The following PREX2 variants were observed in gnomAD, a reference collection of about 807,000 sequenced individuals.
PREX2 encodes the protein phosphatidylinositol-3,4,5-trisphosphate dependent Rac exchange factor 2.
Under a neutral mutation model 203.2 loss-of-function variants are expected in PREX2, and 107 were observed. The ratio of observed to expected loss-of-function variants is 0.53; its 90% CI spans 0.45 to 0.62. The LOEUF is 0.62. Ranked by LOEUF, PREX2 falls within the 20% of genes least tolerant of loss-of-function variation. PREX2 has a pLI of 0.00. For missense variants in PREX2, 1,777 were observed against 1,955.9 expected, an observed-to-expected ratio of 0.91 and a Z score of 1.72; for synonymous variants, 672 against 663.6, an observed-to-expected ratio of 1.01 and a Z score of -0.19.
At chr8:68,153,871 C>A (rs986667671) in intron 34 of PREX2, among the ~76,000 whole-genome samples, 4 of 152,144 alleles carry the variant, frequency 2.6e-5, no homozygotes, top group Admixed American at 2.6e-4. Context: ...TGAATTTTAA[C>A]TGCCTTGTTA....
intron 23 of PREX2, chr8:68,102,988 C>T (rs138347013): frequency 1.2e-4 from 61 of 512,474 alleles, no homozygotes; most frequent in South Asian, 1.6e-4. Context: ...GTCCTGGAAA[C>T]GCTTCTTTGT....
intron 37 of PREX2, among the ~76,000 whole-genome samples, chr8:68,197,839 A>G (rs1469893669): frequency 6.7e-6 from 1 of 150,224 alleles, no homozygotes; most frequent in African/African-American, 2.4e-5. Flanking sequence ...AAATGAGCAC[A>G]TAGACTTTCT....
chr8:68,066,111 A>G (rs1361242930), intron 11 of PREX2, among the ~76,000 whole-genome samples: 1 of 152,142 alleles, frequency 6.6e-6, no homozygotes, highest in Non-Finnish European at 1.5e-5. Flanking sequence ...TTCTGTACCT[A>G]TCCATTCATC....
intron 1 of PREX2, among the ~76,000 whole-genome samples, chr8:67,982,777 C>A (rs956427150): frequency 1.3e-5 from 2 of 152,174 alleles, no homozygotes; most frequent in African/African-American, 4.8e-5. Context: ...TTCTGACCCT[C>A]AAGATGGAAT....
intron 27 of PREX2, chr8:68,118,915 G>A (rs970709739): frequency 1.3e-5 from 8 of 593,436 alleles, no homozygotes; most frequent in Non-Finnish European, 2.6e-5. Flanking sequence ...TTCTATGAAG[G>A]ATTATAGGTA....
At chr8:68,152,035 A>G (rs1297617061) in intron 34 of PREX2, among the ~76,000 whole-genome samples, 2 of 151,818 alleles carry the variant, frequency 1.3e-5, no homozygotes, top group Non-Finnish European at 2.9e-5. Flanking sequence ...CACGCCTGTA[A>G]TCCCAGCACT....
intron 18 of PREX2, among the ~76,000 whole-genome samples, chr8:68,085,627 C>T (rs28450924): frequency 0.22 from 32,901 of 152,026 alleles, 3,844 homozygotes; most frequent in African/African-American, 0.31. Flanking sequence ...ATAGAACATC[C>T]GTCTTGTATA....
At chr8:68,019,207 C>A (rs1359492538) in intron 2 of PREX2, among the ~76,000 whole-genome samples, 1 of 152,230 alleles carries the variant, frequency 6.6e-6, no homozygotes, top group African/African-American at 2.4e-5. Flanking sequence ...AGAGGACTGT[C>A]CGTTCTGGTA....
At chr8:68,017,368 G>GCTAT (rs200096507) in intron 1 of PREX2, among the ~76,000 whole-genome samples, 1,802 of 152,112 alleles carry the variant, frequency 0.012, 25 homozygotes, top group African/African-American at 0.036. Flanking sequence ...GGCAGGGATA[G>GCTAT]CTATCTATCT....
intron 38 of PREX2, among the ~76,000 whole-genome samples, chr8:68,221,884 G>A (rs913074095): frequency 6.6e-6 from 1 of 152,156 alleles, no homozygotes; most frequent in Non-Finnish European, 1.5e-5. Flanking sequence ...ATTTTTCATA[G>A]GGTATGATTT....
intron 35 of PREX2, among the ~76,000 whole-genome samples, chr8:68,171,302 A>G (rs544728699): frequency 6.6e-6 from 1 of 152,334 alleles, no homozygotes; most frequent in Admixed American, 6.5e-5. Flanking sequence ...TTATGTAATA[A>G]GTAGAAGGAA....
At chr8:67,983,541 T>G (rs1429974797) in intron 1 of PREX2, among the ~76,000 whole-genome samples, 1 of 152,180 alleles carries the variant, frequency 6.6e-6, no homozygotes, top group African/African-American at 2.4e-5. Context: ...CCTATATAGT[T>G]CAGTCACCCA....
At chr8:67,996,966 C>A (rs1015838466) in intron 1 of PREX2, among the ~76,000 whole-genome samples, 2 of 152,100 alleles carry the variant, frequency 1.3e-5, no homozygotes, top group Non-Finnish European at 2.9e-5. Flanking sequence ...TTTGCCATTA[C>A]TTTTGATGGC....
intron 38 of PREX2, among the ~76,000 whole-genome samples, chr8:68,221,034 A>G (rs1812944312): frequency 6.6e-6 from 1 of 152,044 alleles, no homozygotes; most frequent in African/African-American, 2.4e-5. Flanking sequence ...CCCCTTTTGG[A>G]GTCCGCAGTA....
chr8:68,181,585 A>T (rs1005709018), intron 35 of PREX2, among the ~76,000 whole-genome samples: 1 of 152,116 alleles, frequency 6.6e-6, no homozygotes, highest in Non-Finnish European at 1.5e-5. Context: ...TTATAAGATA[A>T]ATAGTGAAAA....
intron 1 of PREX2, among the ~76,000 whole-genome samples, chr8:67,998,629 A>G (rs182323877): frequency 1.6e-4 from 24 of 152,168 alleles, no homozygotes; most frequent in African/African-American, 4.8e-4. Flanking sequence ...TTAGCTAGGC[A>G]CGGTGGTGCA....
intron 25 of PREX2, among the ~76,000 whole-genome samples, chr8:68,115,182 C>G (rs1207221869): frequency 2.6e-5 from 4 of 151,960 alleles, no homozygotes; most frequent in Non-Finnish European, 2.9e-5. Flanking sequence ...CATGCGCCAC[C>G]ACGCCCGGCT....
intron 8 of PREX2, among the ~76,000 whole-genome samples, chr8:68,050,030 A>G (rs1246017705): frequency 2.6e-5 from 4 of 151,924 alleles, no homozygotes; most frequent in Non-Finnish European, 1.5e-5. Flanking sequence ...TGGTATGTAT[A>G]TTCAATTGTA....
At chr8:68,055,055 C>G (rs759669012) in intron 9 of PREX2, among the ~76,000 whole-genome samples, 5 of 152,216 alleles carry the variant, frequency 3.3e-5, no homozygotes, top group Admixed American at 3.3e-4. Flanking sequence ...TGAGGTTTCT[C>G]CTAACAGTGT....
Sources: allele counts gnomAD v4.1 joint callset (sites outside exome capture counted in the v4.1 genomes callset), GRCh38; gene constraint gnomAD v4.1.1; transcripts MANE v1.5; gene names NCBI Gene and HGNC (gene_info 2026-07-23, HGNC 2026-07-21).